RRM2: variants seen among roughly 807,000 people sequenced by gnomAD.
The protein encoded by RRM2 is ribonucleotide reductase regulatory subunit M2, also known as ribonucleoside-diphosphate reductase subunit M2.
Under a neutral mutation model 45.9 loss-of-function variants are expected in RRM2, and 6 were observed. The ratio of observed to expected loss-of-function variants is 0.13; its 90% CI spans 0.07 to 0.26. RRM2 has a LOEUF of 0.26. Ranked by LOEUF, RRM2 falls within the 10% of genes least tolerant of loss-of-function variation. The pLI is 1.00. For missense variants in RRM2, 343 were observed against 489.5 expected (o/e 0.70, Z 2.82); for synonymous variants, 177 against 173.0 (o/e 1.02, Z -0.18).
intron 3 of RRM2, among the ~76,000 whole-genome samples, chr2:10,144,880 G>A (rs1159125324): frequency 6.6e-6 from 1 of 152,196 alleles, no homozygotes; most frequent in Admixed American, 6.5e-5. Context: ...GGAAGGGCGG[G>A]GAGGCATGAA....
chr2:10,193,079 G>T (rs1016999357), intron 3 of RRM2, among the ~76,000 whole-genome samples: 2 of 152,122 alleles, frequency 1.3e-5, no homozygotes, highest in African/African-American at 2.4e-5. Context: ...AGGCCCTTCC[G>T]CTGCAGAAGA....
chr2:10,157,533 C>T (rs1351866516), intron 3 of RRM2, among the ~76,000 whole-genome samples: 1 of 152,208 alleles, frequency 6.6e-6, no homozygotes, highest in Non-Finnish European at 1.5e-5. Flanking sequence ...TCTCCACTTC[C>T]ATCCCCAGAG....
At chr2:10,152,790 A>T (rs1219817364) in intron 3 of RRM2, among the ~76,000 whole-genome samples, 1 of 151,978 alleles carries the variant, frequency 6.6e-6, no homozygotes, top group Non-Finnish European at 1.5e-5. Context: ...GCCCCTGTGT[A>T]CTATTCTTAA....
intron 3 of RRM2, among the ~76,000 whole-genome samples, chr2:10,200,234 A>G (rs1372352197): frequency 1.3e-5 from 2 of 152,212 alleles, no homozygotes; most frequent in Non-Finnish European, 2.9e-5. Flanking sequence ...GGAATTTGAG[A>G]TAAGACCTTT....
intron 4 of RRM2, among the ~76,000 whole-genome samples, chr2:10,124,303 A>C (rs767966281): frequency 5.3e-5 from 8 of 152,104 alleles, no homozygotes; most frequent in Non-Finnish European, 8.8e-5. Context: ...ACAGGGTTTT[A>C]CCATGTTGGC....
intron 2 of RRM2, chr2:10,141,975 C>T (rs1157649254): frequency 6.4e-7 from 1 of 1,570,978 alleles, no homozygotes; most frequent in East Asian, 2.4e-5. Flanking sequence ...CGGTGACAAG[C>T]TCTGAAGACA....
intron 3 of RRM2, among the ~76,000 whole-genome samples, chr2:10,206,146 T>C (rs985241325): frequency 4.0e-5 from 6 of 150,952 alleles, no homozygotes; most frequent in Non-Finnish European, 7.4e-5. Flanking sequence ...CTCAGGAGGC[T>C]GAGGCAGGAG....
At chr2:10,148,001 A>G (rs1282529912) in intron 3 of RRM2, among the ~76,000 whole-genome samples, 2 of 152,144 alleles carry the variant, frequency 1.3e-5, no homozygotes, top group East Asian at 1.9e-4. Flanking sequence ...AAAGTTAGCC[A>G]GGCGTAGTGG....
chr2:10,141,690 C>T (rs569273413), intron 1 of RRM2: 1 of 1,024,754 alleles, frequency 9.8e-7, no homozygotes, highest in Admixed American at 2.8e-5. Flanking sequence ...GGCAAGAGAC[C>T]TCGACCTGTT....
At chr2:10,134,952 C>G (rs1220143604), downstream of RRM2, among the ~76,000 whole-genome samples, 1 of 152,216 alleles carries the variant, frequency 6.6e-6, no homozygotes, top group African/African-American at 2.4e-5. Context: ...CATTCCTAGT[C>G]TCATTTGAAT....
intron 3 of RRM2, among the ~76,000 whole-genome samples, chr2:10,161,612 A>G (rs1010937687): frequency 4.6e-5 from 7 of 152,164 alleles, no homozygotes; most frequent in South Asian, 2.1e-4. Flanking sequence ...ACACACATTC[A>G]TATGCATACT....
At chr2:10,146,899 TA>T (rs1663198464) in intron 3 of RRM2, among the ~76,000 whole-genome samples, 1 of 152,254 alleles carries the variant, frequency 6.6e-6, no homozygotes, top group Non-Finnish European at 1.5e-5. Context: ...ATCTACTTTT[TA>T]AAGGTTTGTT....
At chr2:10,157,339 A>AT (rs1451565113) in intron 3 of RRM2, among the ~76,000 whole-genome samples, 8 of 152,118 alleles carry the variant, frequency 5.3e-5, no homozygotes, top group Admixed American at 1.3e-4. Context: ...CCTAATAGAC[A>AT]TTTTTTTAAA....
At chr2:10,126,272 C>T (rs1301726997) in intron 5 of RRM2, among the ~76,000 whole-genome samples, 3 of 149,486 alleles carry the variant, frequency 2.0e-5, no homozygotes, top group Non-Finnish European at 4.4e-5. Flanking sequence ...AGTAGCCTCT[C>T]AAGGTGGGCA....
At chr2:10,124,166 T>C (rs6737932) in intron 4 of RRM2, 201,810 of 283,442 alleles carry the variant, frequency 0.71, 74,673 homozygotes, top group African/African-American at 0.9. Context: ...AGTGCAGTGG[T>C]GTGATCTTGG....
intron 3 of RRM2, among the ~76,000 whole-genome samples, chr2:10,201,443 G>T (rs891205048): frequency 6.6e-6 from 1 of 152,136 alleles, no homozygotes; most frequent in Non-Finnish European, 1.5e-5. Flanking sequence ...TTCAGTTCAC[G>T]CAGTCAGTTC....
At chr2:10,180,612 A>G (rs1050124091) in intron 3 of RRM2, among the ~76,000 whole-genome samples, 8 of 152,064 alleles carry the variant, frequency 5.3e-5, no homozygotes, top group African/African-American at 9.7e-5. Flanking sequence ...CCTGCTCACT[A>G]GGCTCTCAGC....
rs1203621237 is a variant in RRM2, at chr2:10,129,844, TCTC to T, written c.*461_*463del. 6.5e-6 allele frequency: 1 copy of T among 154,974 alleles called. No homozygotes were observed. 9.6% of individuals were successfully genotyped at this position (154,974 alleles called of 1,614,324 possible). ...TATTTGGTTTCTACACCAAATACAT[TCTC>T]CTGACCACTAATGGGAGCCAATTCA... On this transcript the variant is annotated 3_prime_UTR_variant, in exon 10 of 10. Coordinates refer to ENST00000304567, the MANE Select transcript of RRM2 (RefSeq NM_001034.4). The surrounding 1 kb of genome is among the most constrained non-coding windows in gnomAD (Gnocchi z 4.8).
intron 3 of RRM2, among the ~76,000 whole-genome samples, chr2:10,170,362 T>C (rs991625371): frequency 1.6e-4 from 24 of 152,162 alleles, no homozygotes; most frequent in African/African-American, 5.3e-4. Context: ...AAGCGGTCAC[T>C]TGGCCAGGTC....
Sources: gnomAD v4.1 joint callset for allele counts (sites outside exome capture counted in the v4.1 genomes callset) on GRCh38, gnomAD v4.1.1 for gene constraint, Gnocchi (gnomAD v3.1) non-coding constraint, MANE v1.5 for transcripts, NCBI Gene and HGNC (gene_info 2026-07-23, HGNC 2026-07-21) for gene names.